Variants in NTRK3 observed in about 807,000 individuals in gnomAD.
The protein encoded by NTRK3 is neurotrophic receptor tyrosine kinase 3.
A neutral mutation model predicts 91.7 loss-of-function variants in NTRK3; 24 were observed. That is an observed-to-expected ratio of 0.26 (90% CI 0.19 to 0.37). The LOEUF (loss-of-function observed/expected upper bound fraction) is 0.37, where lower values mean the gene tolerates loss of function less well. Among genes scored for constraint, NTRK3 ranks in the 10% least tolerant of loss-of-function variants. The pLI is 1.00. For synonymous variants in NTRK3, 483 were observed against 404.0 expected (o/e 1.20, Z -2.34); for missense variants, 880 against 1,068.9 (o/e 0.82, Z 2.46).
intron 13 of NTRK3, among the ~76,000 whole-genome samples, chr15:88,092,632 C>G (rs77212592): frequency 6.6e-6 from 1 of 152,212 alleles, no homozygotes; most frequent in South Asian, 2.1e-4. Flanking sequence ...CACAGTTCTG[C>G]AGGCACAAGG....
At chr15:88,013,230 G>C (rs146294651) in intron 14 of NTRK3, among the ~76,000 whole-genome samples, 16 of 148,152 alleles carry the variant, frequency 1.1e-4, no homozygotes, top group African/African-American at 3.0e-4. Context: ...CTACCAGCAG[G>C]TGAAACCGTG....
At chr15:87,886,676 C>CTACATATATATATATATATATA (rs1555429880) in intron 17 of NTRK3, among the ~76,000 whole-genome samples, 12 of 101,206 alleles carry the variant, frequency 1.2e-4, no homozygotes, top group African/African-American at 4.5e-4. Flanking sequence ...CCACTTTTTG[C>CTACATATATATATATATATATA]TATATATATA....
chr15:87,900,711 G>T (rs2066399946), intron 17 of NTRK3, among the ~76,000 whole-genome samples: 1 of 151,498 alleles, frequency 6.6e-6, no homozygotes, highest in Non-Finnish European at 1.5e-5. Context: ...GTGTGTGTGT[G>T]TGTGTGTGTG....
rs182948118 is a variant in NTRK3, at chr15:87,921,646, G to T, written c.2133+7545C>A. ...ACCTTATTGGAGTAACAGGTCTAAT[G>T]CAGAGAGCTCTCCAGTCTTAATCTC... On this transcript the variant is annotated intron_variant, in intron 17 of 18. Transcript: ENST00000394480. 3.0e-3 allele frequency among the ~76,000 whole-genome samples: 454 copies of T among 152,270 alleles called. 6 individuals carry two copies. The South Asian group carries it at 0.032, about 11-fold the overall frequency.
chr15:87,952,263 AGAAG>A (rs763679375), intron 14 of NTRK3, among the ~76,000 whole-genome samples: 8 of 151,862 alleles, frequency 5.3e-5, no homozygotes, highest in Non-Finnish European at 1.2e-4. Flanking sequence ...GAGAAAGAAA[AGAAG>A]GAAGGAAAGA....
intron 14 of NTRK3, chr15:87,977,545 A>T (rs2073830126): frequency 4.4e-6 from 1 of 229,818 alleles, no homozygotes; most frequent in Non-Finnish European, 8.6e-6. Flanking sequence ...TAATTAAAAA[A>T]CATCATCCTC....
chr15:87,979,383 C>T (rs2074002983), intron 14 of NTRK3: 1 of 1,613,894 alleles, frequency 6.2e-7, no homozygotes, highest in Non-Finnish European at 8.5e-7. Flanking sequence ...TAAACATTGA[C>T]ATCCTCAACA....
chr15:88,028,077 G>A (rs2078194971), intron 14 of NTRK3, among the ~76,000 whole-genome samples: 1 of 152,100 alleles, frequency 6.6e-6, no homozygotes, highest in South Asian at 2.1e-4. Context: ...TCAAGGTAGT[G>A]GCTGGAGGTG....
chr15:88,149,346 A>G (rs886323971), intron 5 of NTRK3, among the ~76,000 whole-genome samples: 10 of 152,114 alleles, frequency 6.6e-5, no homozygotes, highest in Non-Finnish European at 1.0e-4. Context: ...GGAAAGAAAC[A>G]TAGGTAGATG....
At chr15:87,973,990 A>C (rs997451300) in intron 14 of NTRK3, among the ~76,000 whole-genome samples, 2 of 152,162 alleles carry the variant, frequency 1.3e-5, no homozygotes, top group African/African-American at 4.8e-5. Flanking sequence ...CCGTGCAGAA[A>C]GCTACACAAC....
intron 17 of NTRK3, among the ~76,000 whole-genome samples, chr15:87,913,861 T>C (rs2067263789): frequency 6.6e-6 from 1 of 152,234 alleles, no homozygotes. Flanking sequence ...ATGGCTGCAT[T>C]GTGCCCTGAT....
At chr15:87,984,302 A>G (rs892188766) in intron 14 of NTRK3, among the ~76,000 whole-genome samples, 13 of 152,356 alleles carry the variant, frequency 8.5e-5, no homozygotes, top group African/African-American at 2.9e-4. Context: ...GATTCCTCAT[A>G]GACACATGTC....
chr15:88,003,065 C>A (rs1399192523), intron 14 of NTRK3, among the ~76,000 whole-genome samples: 1 of 152,128 alleles, frequency 6.6e-6, no homozygotes, highest in Non-Finnish European at 1.5e-5. Context: ...AAAGGGCATG[C>A]TTAAGGTTGA....
At chr15:88,186,648 AAAG>A (rs1343582662) in intron 3 of NTRK3, among the ~76,000 whole-genome samples, 1 of 152,230 alleles carries the variant, frequency 6.6e-6, no homozygotes. Flanking sequence ...TTAAAAATCA[AAAG>A]AAGAATTATA....
At chr15:88,103,107 A>T (rs894457112) in intron 13 of NTRK3, among the ~76,000 whole-genome samples, 4 of 152,182 alleles carry the variant, frequency 2.6e-5, no homozygotes, top group African/African-American at 9.7e-5. Flanking sequence ...TTAGGCAAGG[A>T]TGGTTAGTTT....
chr15:87,973,394 G>C (rs1330990934), intron 14 of NTRK3, among the ~76,000 whole-genome samples: 1 of 152,180 alleles, frequency 6.6e-6, no homozygotes, highest in Non-Finnish European at 1.5e-5. Flanking sequence ...CAAAAAAGCA[G>C]ACAAGGGACT....
At chr15:88,078,398 G>A (rs1365286368) in intron 13 of NTRK3, among the ~76,000 whole-genome samples, 1 of 152,358 alleles carries the variant, frequency 6.6e-6, no homozygotes, top group East Asian at 1.9e-4. Flanking sequence ...GCTCACGCCT[G>A]TAATCCCGGC....
chr15:88,091,647 G>A (rs1309942092), intron 13 of NTRK3, among the ~76,000 whole-genome samples: 1 of 152,036 alleles, frequency 6.6e-6, no homozygotes, highest in African/African-American at 2.4e-5. Context: ...AATTAGTGAT[G>A]TCTGTCATGG....
At chr15:88,030,493 T>A (rs2078428438) in intron 14 of NTRK3, among the ~76,000 whole-genome samples, 1 of 152,174 alleles carries the variant, frequency 6.6e-6, no homozygotes, top group African/African-American at 2.4e-5. Flanking sequence ...GCGGATAACC[T>A]GGTATCAGGA....
Sources: gnomAD v4.1 joint callset for allele counts (sites outside exome capture counted in the v4.1 genomes callset) on GRCh38, gnomAD v4.1.1 for gene constraint, MANE v1.5 for transcripts, NCBI Gene and HGNC (gene_info 2026-07-23, HGNC 2026-07-21) for gene names.